Variants in LAMA4 observed in about 807,000 individuals in gnomAD.
The protein encoded by LAMA4 is laminin subunit alpha-4.
Under a neutral mutation model 207.1 loss-of-function variants are expected in LAMA4, and 127 were observed. That is an observed-to-expected ratio of 0.61 (90% confidence interval 0.53 to 0.71). The LOEUF (loss-of-function observed/expected upper bound fraction) is 0.71, where lower values mean the gene tolerates loss of function less well. Among genes scored for constraint, LAMA4 ranks in the 30% least tolerant of loss-of-function variants. LAMA4 has a pLI of 0.00. For synonymous variants in LAMA4, 761 were observed against 816.0 expected (o/e 0.93, Z 1.15); for missense variants, 2,093 against 2,246.5 (o/e 0.93, Z 1.38).
At chr6:112,116,761 T>C (rs1554324033) in intron 35 of LAMA4, among the ~76,000 whole-genome samples, 1 of 152,206 alleles carries the variant, frequency 6.6e-6, no homozygotes, top group Admixed American at 6.5e-5. Flanking sequence ...TATTAGTTAG[T>C]GCTCATGGAG....
In LAMA4 at chr6:112,141,380, A is replaced by G; in HGVS notation, c.2791T>C (p.Phe931Leu). The G allele has an allele frequency of 6.2e-7, 1 of 1,614,182 alleles. No individual in the cohort carries two copies. ...SKPVSSWPAY[F>L]SIVKIERVGK... ...TACCTTTCAATCTTGACAATGCTGA[A>G]GTAAGCAGGCCAGGAACTGACGGGC... Residue 931 changes from phenylalanine to leucine, a missense_variant, in exon 21 of 39, where the codon TTC (phenylalanine) becomes CTC (leucine). Phe to Leu is a conservative substitution (Grantham distance 22). Coordinates refer to ENST00000230538, the MANE Select transcript of LAMA4 (RefSeq NM_001105206.3).
chr6:112,228,361 T>C (rs1333478712), intron 2 of LAMA4, among the ~76,000 whole-genome samples: 3 of 152,200 alleles, frequency 2.0e-5, no homozygotes, highest in African/African-American at 7.2e-5. Flanking sequence ...TTAAAGCAGA[T>C]GGTAGTAGAT....
intron 8 of LAMA4, among the ~76,000 whole-genome samples, chr6:112,185,584 G>C (rs534687340): frequency 2.0e-5 from 3 of 152,284 alleles, no homozygotes; most frequent in Non-Finnish European, 2.9e-5. Context: ...TGCTGGTCAG[G>C]GGCTGGGTTG....
In LAMA4 at chr6:112,176,168, TAA is replaced by T. The variant is rs74560305; in HGVS notation, c.1190-690_1190-689del. On this transcript the variant is annotated intron_variant, in intron 10 of 38. Transcript: ENST00000230538. ...CTAGGTCATTTTCACCCCACTTCCA[TAA>T]GTCAGGTGGAGAATTTTAGAACTGG... Among the ~76,000 whole-genome samples, 15 of 152,322 alleles carry T rather than the reference TAA, an allele frequency of 9.8e-5. No homozygotes were observed. The East Asian group carries it at 2.9e-3, about 29-fold the overall frequency.
chr6:112,251,273 G>A (rs1787431906), intron 2 of LAMA4: 1 of 152,132 alleles, frequency 6.6e-6, no homozygotes, highest in African/African-American at 2.4e-5. Flanking sequence ...CATATTTCAT[G>A]TATTTGTTCC....
At chr6:112,184,004 A>G (rs1473894520) in intron 9 of LAMA4, among the ~76,000 whole-genome samples, 2 of 151,814 alleles carry the variant, frequency 1.3e-5, no homozygotes, top group African/African-American at 4.8e-5. Context: ...GCAAGTTTCA[A>G]CCATATCTGA....
At chr6:112,238,239 G>A (rs972273869) in intron 2 of LAMA4, among the ~76,000 whole-genome samples, 20 of 152,072 alleles carry the variant, frequency 1.3e-4, no homozygotes, top group African/African-American at 4.1e-4. Context: ...TGCTTGTTTC[G>A]TCTGTGTTTT....
At chr6:112,155,242 G>T (rs1217537076) in intron 15 of LAMA4, 1 of 556,710 alleles carries the variant, frequency 1.8e-6, no homozygotes, top group East Asian at 3.1e-5. Context: ...ATTTTGAGTT[G>T]AAAAAAATAT....
At chr6:112,151,182 C>A (rs942151138) in intron 16 of LAMA4, among the ~76,000 whole-genome samples, 4 of 152,152 alleles carry the variant, frequency 2.6e-5, no homozygotes, top group Non-Finnish European at 2.9e-5. Flanking sequence ...CCTGTGATAA[C>A]CCAAAGATAA....
intron 3 of LAMA4, among the ~76,000 whole-genome samples, chr6:112,215,537 C>G (rs1386512846): frequency 6.7e-6 from 1 of 149,960 alleles, no homozygotes; most frequent in East Asian, 2.0e-4. Flanking sequence ...CCTCTTTTTG[C>G]CAGATGGGAA....
chr6:112,201,708 T>G lies in LAMA4; in HGVS notation c.423-20A>C. The G allele has an allele frequency of 6.2e-7, 1 of 1,600,196 alleles. No homozygotes were observed. The highest frequency in any genetic ancestry group is 1.7e-5 in the Admixed American group (1 of 60,000). On this transcript the variant is annotated intron_variant, in intron 4 of 38. Coordinates refer to ENST00000230538, the MANE Select transcript of LAMA4 (RefSeq NM_001105206.3). ...GCAAAACTAAAATTGGAAGCAAATA[T>G]TGGAAGTCAATTCCATACATCACCA...
intron 9 of LAMA4, among the ~76,000 whole-genome samples, chr6:112,181,957 C>T (rs992355575): frequency 2.6e-5 from 4 of 152,032 alleles, no homozygotes; most frequent in South Asian, 2.1e-4. Flanking sequence ...AGTAGCCGGA[C>T]GTGGTGGCAC....
chr6:112,190,873 TTCTTTCTTTCTTTC>T (rs1782981399), intron 6 of LAMA4, among the ~76,000 whole-genome samples: 1 of 36,058 alleles, frequency 2.8e-5, no homozygotes, highest in Non-Finnish European at 5.6e-5. Flanking sequence ...AGGTTTCTTT[TTCTTTCTTTCTTTC>T]TTTCTTTCTT....
intron 24 of LAMA4, 58 bp downstream of exon 24, chr6:112,139,062 G>A: frequency 1.3e-6 from 2 of 1,528,096 alleles, no homozygotes; most frequent in Non-Finnish European, 1.8e-6. Flanking sequence ...CTGGAAACAT[G>A]AGTAGCAGAA....
chr6:112,254,263 G>A lies in LAMA4; in HGVS notation c.-113C>T, dbSNP rs1554190659. On this transcript the variant is annotated 5_prime_UTR_variant, in exon 2 of 39. Transcript: ENST00000230538. ...TTATTTTCCCTCCTCTCCGTGTGCA[G>A]TATCCCGAGGTGGCTGCGCAACCAG... is the stretch of plus-strand genomic sequence containing the variant. 2.2e-6 allele frequency: 3 copies of A among 1,339,762 alleles called. No individual in the cohort carries two copies. Among genetic ancestry groups the A allele is most frequent in the Non-Finnish European group, 3.2e-6 (3 of 949,174 alleles). 83.0% of individuals were successfully genotyped at this position (1,339,762 alleles called of 1,614,324 possible). A position where few individuals can be genotyped will look rare whatever the true frequency, so the allele number is the denominator to read the frequency against.
chr6:112,173,325 C>T (rs781821215), intron 11 of LAMA4, among the ~76,000 whole-genome samples: 5 of 152,146 alleles, frequency 3.3e-5, no homozygotes, highest in Non-Finnish European at 5.9e-5. Flanking sequence ...TATTCTTAAA[C>T]TTTGCATGTG....
intron 5 of LAMA4, among the ~76,000 whole-genome samples, chr6:112,197,521 A>T (rs1223545252): frequency 1.3e-5 from 2 of 152,246 alleles, no homozygotes; most frequent in African/African-American, 2.4e-5. Context: ...AATATTTCAA[A>T]CATGAAGCTA....
At chr6:112,251,058 C>T (rs1554189748) in intron 2 of LAMA4, among the ~76,000 whole-genome samples, 1 of 152,144 alleles carries the variant, frequency 6.6e-6, no homozygotes, top group African/African-American at 2.4e-5. Flanking sequence ...CTGTTCTCAC[C>T]ATAAACTCAG....
chr6:112,148,161 A>T lies in LAMA4; in HGVS notation c.2349T>A (p.Asp783Glu), dbSNP rs117323974. Residue 783 changes from aspartate (D) to glutamate (E), a missense_variant, in exon 18 of 39, where the codon GAT becomes GAA. Asp to Glu is a conservative substitution (Grantham distance 45). Coordinates refer to ENST00000230538, the MANE Select transcript of LAMA4 (RefSeq NM_001105206.3). ...AYNTAVNSAR[D>E]AVRNLTEVVP... ...TGTGAAATTTCTAAGTGATACCTGC[A>T]TCCCTAGCAGAGTTCACTGCAGTGT... The T allele has an allele frequency of 6.2e-7, 1 of 1,613,532 alleles. No individual in the cohort carries two copies. Among genetic ancestry groups the T allele is most frequent in the East Asian group, 2.2e-5 (1 of 44,876 alleles).
Sources: allele counts gnomAD v4.1 joint callset (sites outside exome capture counted in the v4.1 genomes callset), GRCh38; gene constraint gnomAD v4.1.1; transcripts MANE v1.5; gene names NCBI Gene and HGNC (gene_info 2026-07-23, HGNC 2026-07-21).